The following JAZF1 variants were observed in gnomAD, a reference collection of about 807,000 sequenced individuals.
JAZF1 encodes the protein juxtaposed with another zinc finger protein 1.
In JAZF1, 8 loss-of-function variants were observed where a neutral mutation model predicts 26.4. The observed-to-expected ratio is 0.30, with a 90% confidence interval of 0.18 to 0.55. JAZF1 has a LOEUF of 0.55. Ranked by LOEUF, JAZF1 falls within the 20% of genes least tolerant of loss-of-function variation. The probability of loss-of-function intolerance (pLI) is 0.94; values close to 1 mark genes in which losing one functional copy is unlikely to be tolerated. For synonymous variants in JAZF1, 126 were observed against 122.3 expected, an observed-to-expected ratio of 1.03 and a Z score of -0.20; for missense variants, 199 against 322.0, an observed-to-expected ratio of 0.62 and a Z score of 2.92.
chr7:27,959,916 T>C (rs1785161912), intron 2 of JAZF1, among the ~76,000 whole-genome samples: 1 of 143,860 alleles, frequency 7.0e-6, no homozygotes, highest in South Asian at 2.2e-4. Flanking sequence ...AAAAAAAAAA[T>C]GTGCAGATGA....
chr7:28,163,284 T>G (rs998493490), intron 1 of JAZF1, among the ~76,000 whole-genome samples: 2 of 151,900 alleles, frequency 1.3e-5, no homozygotes, highest in African/African-American at 4.8e-5. Context: ...CAGAGACAGC[T>G]CTCTCAGCCA....
chr7:27,883,568 G>T (rs543271181), intron 3 of JAZF1, among the ~76,000 whole-genome samples: 3 of 152,204 alleles, frequency 2.0e-5, no homozygotes, highest in Non-Finnish European at 4.4e-5. Flanking sequence ...GTGCCTGCCC[G>T]TCAGAGAAAC....
At chr7:28,084,483 C>T (rs1784183855) in intron 1 of JAZF1, among the ~76,000 whole-genome samples, 1 of 152,230 alleles carries the variant, frequency 6.6e-6, no homozygotes, top group African/African-American at 2.4e-5. Flanking sequence ...CCAATCCAAC[C>T]TCCCTCAAAT....
chr7:27,860,401 G>A (rs1261696190), intron 3 of JAZF1, among the ~76,000 whole-genome samples: 2 of 152,122 alleles, frequency 1.3e-5, no homozygotes, highest in Non-Finnish European at 1.5e-5. Flanking sequence ...TGATGACACT[G>A]AGCCATGGGA....
At chr7:27,962,385 TCATATG>T (rs1785200107) in intron 2 of JAZF1, among the ~76,000 whole-genome samples, 3 of 152,184 alleles carry the variant, frequency 2.0e-5, no homozygotes. Flanking sequence ...GCCTCACAGT[TCATATG>T]CATCACTTAT....
chr7:27,927,174 T>C (rs1298589947), intron 2 of JAZF1, among the ~76,000 whole-genome samples: 1 of 152,148 alleles, frequency 6.6e-6, no homozygotes, highest in Non-Finnish European at 1.5e-5. Context: ...CTGCTCTGTC[T>C]CCCCCTTCAG....
In JAZF1 at chr7:28,036,322, A is replaced by T. The variant is rs117125379; in HGVS notation, c.116-44341T>A. Among the ~76,000 whole-genome samples, 65 of 152,372 alleles carry T rather than the reference A, an allele frequency of 4.3e-4. 1 individual carries two copies. The East Asian group carries it at 0.012, about 28-fold the overall frequency. ...ATTAACAAACTACTGACATAGTAAC[A>T]AACTAAAACCTATCTGACTTCTATA... On this transcript the variant is annotated intron_variant, in intron 1 of 4. Transcript: ENST00000283928.
intron 1 of JAZF1, among the ~76,000 whole-genome samples, chr7:28,034,807 T>A (rs1490713762): frequency 1.3e-5 from 2 of 152,170 alleles, no homozygotes; most frequent in African/African-American, 4.8e-5. Flanking sequence ...GGATGAAATA[T>A]CAAAAGACAA....
intron 2 of JAZF1, among the ~76,000 whole-genome samples, chr7:27,987,344 G>A (rs867218591): frequency 2.0e-5 from 3 of 150,406 alleles, no homozygotes; most frequent in South Asian, 2.1e-4. Context: ...CTGCCCGACC[G>A]CCACCCCATC....
In JAZF1 at chr7:27,840,605, A is replaced by T; in HGVS notation, c.555+93T>A. On this transcript the variant is annotated intron_variant, in intron 4 of 4. Coordinates refer to ENST00000283928, the MANE Select transcript of JAZF1 (RefSeq NM_175061.4). This position sits in a 1 kb window ranked among gnomAD's most constrained non-coding sequence, Gnocchi z 5.1. ...AGGGGAGTGTCTCCCCCCAGCCCAT[A>T]CGCTCGCTTTAAAATCAAGAAAGGG... is the stretch of plus-strand genomic sequence containing the variant. 7.6e-7 allele frequency: 1 copy of T among 1,307,880 alleles called. No individual in the cohort carries two copies. Among genetic ancestry groups the T allele is most frequent in the Non-Finnish European group, 1.1e-6 (1 of 924,014 alleles). The allele number at this position is 1,307,880 out of a possible 1,614,324, so 81.0% of individuals were successfully genotyped here. A position where few individuals can be genotyped will look rare whatever the true frequency, so the allele number is the denominator to read the frequency against.
In JAZF1 at chr7:27,962,948, A is replaced by G. The variant is rs967363784; in HGVS notation, c.188+28961T>C. 2.6e-5 allele frequency among the ~76,000 whole-genome samples: 4 copies of G among 152,212 alleles called. No individual in the cohort carries two copies. In the East Asian group the frequency reaches 7.7e-4, roughly 29 times the overall value. ...ATAGACTGAAGCTCTGAAGCTTAACAGAAATGATCTACCCACTATCCCTCC... is the reference window on the plus strand; with the variant it reads ...ATAGACTGAAGCTCTGAAGCTTAACGGAAATGATCTACCCACTATCCCTCC... On this transcript the variant is annotated intron_variant, in intron 2 of 4. Coordinates refer to ENST00000283928, the MANE Select transcript of JAZF1 (RefSeq NM_175061.4).
chr7:28,105,245 C>A lies in JAZF1; in HGVS notation c.115+75218G>T, dbSNP rs149460246. Among the ~76,000 whole-genome samples, 1,383 of 152,296 alleles carry A rather than the reference C, an allele frequency of 9.1e-3. 24 individuals carry two copies. Among genetic ancestry groups the A allele is most frequent in the African/African-American group, 0.032 (1,333 of 41,558 alleles). ...GAAGACAATTTTGCTGACCCATATT[C>A]CATCTTGGTTAGAAATAGTTGTTTG... On this transcript the variant is annotated intron_variant, in intron 1 of 4. Coordinates refer to ENST00000283928, the MANE Select transcript of JAZF1 (RefSeq NM_175061.4).
At chr7:27,975,222 C>T (rs1785449280) in intron 2 of JAZF1, among the ~76,000 whole-genome samples, 1 of 151,848 alleles carries the variant, frequency 6.6e-6, no homozygotes, top group Admixed American at 6.6e-5. Context: ...AAAGTGGGAG[C>T]AGGTGTGTCA....
At chr7:28,094,909 CA>C (rs975863700) in intron 1 of JAZF1, among the ~76,000 whole-genome samples, 1 of 152,106 alleles carries the variant, frequency 6.6e-6, no homozygotes, top group Admixed American at 6.6e-5. Flanking sequence ...AGTAAGACGA[CA>C]AGGAGGAAAC....
chr7:28,112,453 A>C (rs1784676457), intron 1 of JAZF1, among the ~76,000 whole-genome samples: 1 of 152,230 alleles, frequency 6.6e-6, no homozygotes, highest in Admixed American at 6.5e-5. Flanking sequence ...AAGTTTGTAA[A>C]GTTGGTTTTA....
chr7:27,875,926 A>G (rs1314362297), intron 3 of JAZF1, among the ~76,000 whole-genome samples: 2 of 152,248 alleles, frequency 1.3e-5, no homozygotes, highest in Non-Finnish European at 2.9e-5. Flanking sequence ...CTATATTTCC[A>G]GTCATTCCTA....
At chr7:27,892,834 T>G (rs1050604398) in intron 3 of JAZF1, among the ~76,000 whole-genome samples, 2 of 152,162 alleles carry the variant, frequency 1.3e-5, no homozygotes, top group African/African-American at 4.8e-5. Context: ...AATACAAAGT[T>G]GAAAACCCCA....
At chr7:27,963,569 C>CCCTTT (rs1554278421) in intron 2 of JAZF1, among the ~76,000 whole-genome samples, 4 of 132,538 alleles carry the variant, frequency 3.0e-5, no homozygotes, top group African/African-American at 1.2e-4. Flanking sequence ...CCCCCCCCCC[C>CCCTTT]TTTTTTTTTG....
chr7:27,918,985 C>T (rs1321365099), intron 2 of JAZF1, among the ~76,000 whole-genome samples: 1 of 152,156 alleles, frequency 6.6e-6, no homozygotes. Context: ...TGTTATCTGG[C>T]CTAGTCCTTT....
Sources: gnomAD v4.1 joint callset for allele counts (sites outside exome capture counted in the v4.1 genomes callset) on GRCh38, gnomAD v4.1.1 for gene constraint, Gnocchi (gnomAD v3.1) non-coding constraint, MANE v1.5 for transcripts, NCBI Gene and HGNC (gene_info 2026-07-23, HGNC 2026-07-21) for gene names.